The following RNF24 variants were observed in gnomAD, a reference collection of about 807,000 sequenced individuals.
RNF24 encodes the protein ring finger protein 24.
RNF24 carries 14 observed loss-of-function variants against 20.0 expected under a neutral mutation model. That is an observed-to-expected ratio of 0.70 (90% CI 0.46 to 1.10). The LOEUF (loss-of-function observed/expected upper bound fraction) is 1.10, where lower values mean the gene tolerates loss of function less well. RNF24 is among the 50% of genes least tolerant of loss of function. The pLI is 0.00. For synonymous variants in RNF24, 45 were observed against 61.1 expected, an observed-to-expected ratio of 0.74 and a Z score of 1.23; for missense variants, 124 against 177.6, an observed-to-expected ratio of 0.70 and a Z score of 1.71.
intron 1 of RNF24, among the ~76,000 whole-genome samples, chr20:4,000,221 C>G (rs999077397): frequency 6.6e-6 from 1 of 152,076 alleles, no homozygotes; most frequent in Non-Finnish European, 1.5e-5. Context: ...CTAAAACAAT[C>G]ATCAAAAACG....
At chr20:3,987,650 C>T (rs1272919205) in intron 1 of RNF24, among the ~76,000 whole-genome samples, 1 of 152,134 alleles carries the variant, frequency 6.6e-6, no homozygotes, top group Non-Finnish European at 1.5e-5. Context: ...AAATATGATT[C>T]TTAAAAATTT....
Position 3,977,385 on chromosome 20 carries a change from T to C in RNF24, c.-7-13361A>G, listed in dbSNP as rs140872636. On this transcript the variant is annotated intron_variant, in intron 1 of 5. Transcript: ENST00000358395. ...AAAATGTAGGGAGCCACAAACAGTA[T>C]GTATAATTTTCATGACTAGCAGAGA... 4.2e-3 allele frequency among the ~76,000 whole-genome samples: 633 copies of C among 152,254 alleles called. 7 individuals are homozygous for C. The highest frequency in any genetic ancestry group is 0.015 in the African/African-American group (609 of 41,552).
chr20:3,960,918 C>T (rs1338951383), intron 2 of RNF24, among the ~76,000 whole-genome samples: 2 of 151,820 alleles, frequency 1.3e-5, no homozygotes, highest in African/African-American at 2.4e-5. Context: ...CTCAGCCTCC[C>T]GATTAGCTGG....
At position 3,934,479 on chromosome 20, in the gene RNF24, C is replaced by T. The variant is rs2013909773; in HGVS notation, c.309-278G>A. Among the ~76,000 whole-genome samples, 1 of 152,072 alleles carries T rather than the reference C, an allele frequency of 6.6e-6. No individual in the cohort carries two copies. Among genetic ancestry groups the T allele is most frequent in the African/African-American group, 2.4e-5 (1 of 41,394 alleles). The stretch of plus-strand genomic sequence containing the variant: ...GATAGTATGTGATACTCTCAGTTAC[C>T]CATGACTTCTTACAAGAACAAAATA... On this transcript the variant is annotated intron_variant, in intron 5 of 5. Transcript: ENST00000358395. This position sits in a 1 kb window ranked among gnomAD's most constrained non-coding sequence, Gnocchi z 4.0.
intron 1 of RNF24, among the ~76,000 whole-genome samples, chr20:3,986,891 C>T (rs1979972187): frequency 6.6e-6 from 1 of 151,972 alleles, no homozygotes; most frequent in African/African-American, 2.4e-5. Context: ...TCTCGTGATC[C>T]GCCCACCTTG....
Position 3,984,797 on chromosome 20 carries a change from CT to C in RNF24, c.-7-20774del, listed in dbSNP as rs796434572. Among the ~76,000 whole-genome samples, 725 of 145,940 alleles carry C rather than the reference CT, an allele frequency of 5.0e-3. 7 individuals are homozygous for C. Among genetic ancestry groups the C allele is most frequent in the African/African-American group, 0.016 (626 of 40,052 alleles). ...GAGGATAACTCTTCTTTCTTTCAAG[CT>C]TTTTTTTTTTCTTTCAAATCTCAGT... On this transcript the variant is annotated intron_variant, in intron 1 of 5. Transcript: ENST00000358395.
In RNF24 at chr20:3,934,016, C is replaced by T. The variant is rs757196353; in HGVS notation, c.*47G>A. ...CAGACACCACATGTGTTCCTCCTGG[C>T]TCCACACAGACGTCGTGTCCAGCAA... On this transcript the variant is annotated 3_prime_UTR_variant, in exon 6 of 6. Transcript: ENST00000358395. The surrounding 1 kb of genome is among the most constrained non-coding windows in gnomAD (Gnocchi z 4.0). 4.9e-6 allele frequency: 7 copies of T among 1,415,628 alleles called. No homozygotes were observed. In the East Asian group the frequency reaches 1.6e-4, roughly 33 times the overall value. 87.7% of individuals were successfully genotyped at this position (1,415,628 alleles called of 1,614,324 possible).
intron 1 of RNF24, among the ~76,000 whole-genome samples, chr20:3,986,953 G>A (rs1979977943): frequency 6.6e-6 from 1 of 151,986 alleles, no homozygotes. Flanking sequence ...CATCACCCAA[G>A]CTGGATTGCA....
chr20:4,004,348 C>T lies in RNF24; in HGVS notation c.-8+11089G>A, dbSNP rs6116149. Reference sequence around the variant, plus strand: ...GGTCTGCTGAATACTTGTCTAATCTCGGATTCTGTGTGAGACAGTAGTCAA... The same window carrying T: ...GGTCTGCTGAATACTTGTCTAATCTTGGATTCTGTGTGAGACAGTAGTCAA... On this transcript the variant is annotated intron_variant, in intron 1 of 5. Transcript: ENST00000358395. Among the ~76,000 whole-genome samples the T allele has an allele frequency of 8.6e-3, 1,305 of 152,186 alleles. 16 individuals carry two copies. The highest frequency in any genetic ancestry group is 0.03 in the African/African-American group (1,241 of 41,516).
chr20:3,937,069 C>T (rs1324815146), intron 4 of RNF24, among the ~76,000 whole-genome samples: 2 of 152,152 alleles, frequency 1.3e-5, no homozygotes, highest in African/African-American at 4.8e-5. Flanking sequence ...GATCTCTTGA[C>T]CTTGTGATCC....
chr20:4,013,472 G>T (rs1370318186), intron 1 of RNF24, among the ~76,000 whole-genome samples: 1 of 152,108 alleles, frequency 6.6e-6, no homozygotes, highest in East Asian at 1.9e-4. Context: ...TGAATCCAAA[G>T]ATCATAATAA....
chr20:3,974,390 T>C (rs914396890), intron 1 of RNF24: 4 of 1,548,356 alleles, frequency 2.6e-6, no homozygotes, highest in Admixed American at 2.0e-5. Flanking sequence ...TTCAACATAG[T>C]GCTGGAAGTT....
At chr20:4,014,019 A>G (rs1000718544) in intron 1 of RNF24, among the ~76,000 whole-genome samples, 6 of 152,354 alleles carry the variant, frequency 3.9e-5, no homozygotes, top group Non-Finnish European at 7.3e-5. Flanking sequence ...TCATAACTTT[A>G]CCAACACAAC....
chr20:3,935,429 T>C (rs906013063), intron 4 of RNF24, among the ~76,000 whole-genome samples: 11 of 152,162 alleles, frequency 7.2e-5, no homozygotes, highest in Non-Finnish European at 1.5e-4. Flanking sequence ...GAGCTGAGGC[T>C]CTCTGGGTTC....
chr20:3,989,893 T>C (rs1340896717), intron 1 of RNF24, among the ~76,000 whole-genome samples: 2 of 152,198 alleles, frequency 1.3e-5, no homozygotes, highest in Non-Finnish European at 2.9e-5. Context: ...AAAATTCTTG[T>C]TATAAGCCAT....
chr20:3,940,008 G>T (rs1228800719), intron 4 of RNF24, among the ~76,000 whole-genome samples: 1 of 151,910 alleles, frequency 6.6e-6, no homozygotes, highest in Non-Finnish European at 1.5e-5. Context: ...GCCCACACTG[G>T]AGTACAATGG....
At chr20:3,958,317 A>G (rs1174431819) in intron 2 of RNF24, among the ~76,000 whole-genome samples, 3 of 152,118 alleles carry the variant, frequency 2.0e-5, no homozygotes, top group Non-Finnish European at 2.9e-5. Context: ...CTATCTTACA[A>G]AAAAACCCAG....
At chr20:3,996,336 A>G (rs1157819927) in intron 1 of RNF24, among the ~76,000 whole-genome samples, 1 of 152,246 alleles carries the variant, frequency 6.6e-6, no homozygotes, top group Non-Finnish European at 1.5e-5. Flanking sequence ...CAGAAAAGAG[A>G]ATGACATATT....
rs1039140862 is a variant in RNF24, at chr20:3,998,469, G to A, written c.-8+16968C>T. ...ACATGCCCGTAGTCCCAGCTACTTG[G>A]GAGGCTGAGGCTGGAGAATCACTTG... On this transcript the variant is annotated intron_variant, in intron 1 of 5. Coordinates refer to ENST00000358395, the MANE Select transcript of RNF24 (RefSeq NM_001134337.3). 4.7e-5 allele frequency among the ~76,000 whole-genome samples: 7 copies of A among 150,434 alleles called. No individual in the cohort carries two copies. In the Admixed American group the frequency reaches 4.7e-4, roughly 10 times the overall value.
Sources: gnomAD v4.1 joint callset for allele counts (sites outside exome capture counted in the v4.1 genomes callset) on GRCh38, gnomAD v4.1.1 for gene constraint, Gnocchi (gnomAD v3.1) non-coding constraint, MANE v1.5 for transcripts, NCBI Gene and HGNC (gene_info 2026-07-23, HGNC 2026-07-21) for gene names.